The following PLCB4 variants were observed in gnomAD, a reference collection of about 807,000 sequenced individuals.
PLCB4 encodes phospholipase C beta 4.
In PLCB4, 77 loss-of-function variants were observed where a neutral mutation model predicts 178.8. That is an observed-to-expected ratio of 0.43 (90% CI 0.36 to 0.52). The LOEUF (loss-of-function observed/expected upper bound fraction) is 0.52. Among genes scored for constraint, PLCB4 ranks in the 20% least tolerant of loss-of-function variants. The pLI is 0.00. For missense variants in PLCB4, 1,024 were observed against 1,453.4 expected, an observed-to-expected ratio of 0.70 and a Z score of 4.80; for synonymous variants, 496 against 490.8, an observed-to-expected ratio of 1.01 and a Z score of -0.14.
chr20:9,355,156 TA>T (rs1232407641), intron 7 of PLCB4, among the ~76,000 whole-genome samples: 6 of 152,212 alleles, frequency 3.9e-5, no homozygotes, highest in African/African-American at 1.4e-4. Flanking sequence ...AACAGTGTAC[TA>T]GCTGGAAATG....
At chr20:9,178,523 G>A (rs1381534158) in intron 2 of PLCB4, among the ~76,000 whole-genome samples, 1 of 151,654 alleles carries the variant, frequency 6.6e-6, no homozygotes, top group Non-Finnish European at 1.5e-5. Context: ...AATATTCATA[G>A]ATGTATGGAT....
chr20:9,436,948 A>G (rs764443608), intron 29 of PLCB4, 54 bp from the exon 30 acceptor site: 26 of 1,538,986 alleles, frequency 1.7e-5, no homozygotes, highest in East Asian at 2.3e-5. Context: ...AATGTACAAG[A>G]TATTTGACCT....
At position 9,254,680 on chromosome 20, in the gene PLCB4, G is replaced by A. The variant is rs1027225843; in HGVS notation, c.-16+37228G>A. Reference sequence around the variant, plus strand: ...GCCACTGTACTCCAGTCTGGGCAACGGAGCAAAACTCTGTCTCAAAAAATA... The same window carrying A: ...GCCACTGTACTCCAGTCTGGGCAACAGAGCAAAACTCTGTCTCAAAAAATA... On this transcript the variant is annotated intron_variant, in intron 3 of 39. Coordinates refer to ENST00000378473, the MANE Select transcript of PLCB4 (RefSeq NM_001377142.1). Among the ~76,000 whole-genome samples the A allele has an allele frequency of 5.3e-5, 8 of 152,070 alleles. 1 individual carries two copies. The highest frequency in any genetic ancestry group is 2.1e-4 in the South Asian group (1 of 4,814).
At chr20:9,256,522 A>C (rs2147516163) in intron 3 of PLCB4, among the ~76,000 whole-genome samples, 1 of 152,346 alleles carries the variant, frequency 6.6e-6, no homozygotes, top group African/African-American at 2.4e-5. Context: ...AGACTCAGGA[A>C]GCAAGTATTT....
intron 30 of PLCB4, among the ~76,000 whole-genome samples, chr20:9,439,428 G>A (rs2041975774): frequency 6.6e-6 from 1 of 152,188 alleles, no homozygotes; most frequent in Admixed American, 6.5e-5. Flanking sequence ...TATTCAAGGG[G>A]TAGAGAAATA....
intron 4 of PLCB4, among the ~76,000 whole-genome samples, chr20:9,319,860 G>A (rs888683539): frequency 2.6e-5 from 4 of 152,144 alleles, no homozygotes; most frequent in African/African-American, 9.7e-5. Flanking sequence ...GCCCAGTCAA[G>A]TTGACATATA....
At chr20:9,107,030 T>C (rs1368880569) in intron 2 of PLCB4, among the ~76,000 whole-genome samples, 1 of 152,218 alleles carries the variant, frequency 6.6e-6, no homozygotes, top group Non-Finnish European at 1.5e-5. Flanking sequence ...AAAAGTAGAA[T>C]GAATGCCTAA....
intron 35 of PLCB4, among the ~76,000 whole-genome samples, chr20:9,464,810 A>C (rs551484341): frequency 1.8e-3 from 271 of 152,322 alleles, no homozygotes; most frequent in African/African-American, 6.1e-3. Flanking sequence ...AATCAAAAAA[A>C]GTCCAGGACC....
At chr20:9,155,385 A>G (rs557290416) in intron 2 of PLCB4, among the ~76,000 whole-genome samples, 1 of 152,158 alleles carries the variant, frequency 6.6e-6, no homozygotes, top group Admixed American at 6.6e-5. Flanking sequence ...CATCTTTGCA[A>G]TTGTGAATTG....
At chr20:9,113,691 A>C (rs1158908899) in intron 2 of PLCB4, among the ~76,000 whole-genome samples, 1 of 152,190 alleles carries the variant, frequency 6.6e-6, no homozygotes, top group Non-Finnish European at 1.5e-5. Context: ...AATATACTAA[A>C]TTGCTAAAAT....
At chr20:9,137,396 G>A (rs143814932) in intron 2 of PLCB4, among the ~76,000 whole-genome samples, 1 of 152,192 alleles carries the variant, frequency 6.6e-6, no homozygotes, top group East Asian at 1.9e-4. Flanking sequence ...TCAGCATGTA[G>A]GATCCATTAA....
At chr20:9,207,089 C>T (rs2147220410) in intron 2 of PLCB4, among the ~76,000 whole-genome samples, 1 of 152,282 alleles carries the variant, frequency 6.6e-6, no homozygotes, top group African/African-American at 2.4e-5. Flanking sequence ...GCACTCCAGC[C>T]TGGGAGACAA....
At chr20:9,235,609 T>C (rs570292235) in intron 3 of PLCB4, among the ~76,000 whole-genome samples, 217 of 152,304 alleles carry the variant, frequency 1.4e-3, no homozygotes, top group Non-Finnish European at 2.6e-3. Context: ...TTGTGAGGCC[T>C]CTGCAGGAGC....
chr20:9,119,145 T>A (rs1449677432), intron 2 of PLCB4, among the ~76,000 whole-genome samples: 1 of 152,194 alleles, frequency 6.6e-6, no homozygotes, highest in Non-Finnish European at 1.5e-5. Context: ...CTTAGCATTT[T>A]GCTAAATGCT....
At chr20:9,151,369 A>G (rs768295918) in intron 2 of PLCB4, among the ~76,000 whole-genome samples, 10 of 152,120 alleles carry the variant, frequency 6.6e-5, no homozygotes, top group Non-Finnish European at 1.3e-4. Flanking sequence ...TGGTTTGGCT[A>G]TGTCCCCATC....
intron 3 of PLCB4, among the ~76,000 whole-genome samples, chr20:9,281,776 A>G (rs1601594678): frequency 6.6e-6 from 1 of 152,076 alleles, no homozygotes; most frequent in African/African-American, 2.4e-5. Flanking sequence ...TTTCCTTCTT[A>G]TTTAGTTTAA....
Position 9,459,766 on chromosome 20 carries a change from T to C in PLCB4, c.3204T>C (p.Asn1068=). The part of the protein sequence containing the change: ...QCELLKKLLI[N]AHEQQTQQLK... ...AGCTGCTGAAAAAGCTACTCATCAA[T>C]GCCCACGAGCAGCAAACCCAGCAGC... Residue 1068 remains asparagine, a synonymous_variant, in exon 35 of 40, where the codon AAT becomes AAC. Coordinates refer to ENST00000378473, the MANE Select transcript of PLCB4 (RefSeq NM_001377142.1). 6.2e-7 allele frequency: 1 copy of C among 1,613,126 alleles called. No homozygotes were observed. The highest frequency in any genetic ancestry group is 1.1e-5 in the South Asian group (1 of 91,014).
intron 13 of PLCB4, 75 bp from the exon 14 acceptor site, chr20:9,384,126 C>G: frequency 8.9e-7 from 1 of 1,123,890 alleles, no homozygotes; most frequent in South Asian, 1.3e-5. Flanking sequence ...TAAGCTGCCT[C>G]AGCTTCCATG....
chr20:9,397,375 C>A (rs1435924939), intron 19 of PLCB4, among the ~76,000 whole-genome samples: 2 of 152,170 alleles, frequency 1.3e-5, no homozygotes, highest in African/African-American at 4.8e-5. Context: ...AAGTCTTGAA[C>A]CTCTCAGCGT....
Sources: allele counts gnomAD v4.1 joint callset (sites outside exome capture counted in the v4.1 genomes callset), GRCh38; gene constraint gnomAD v4.1.1; transcripts MANE v1.5; gene names NCBI Gene and HGNC (gene_info 2026-07-23, HGNC 2026-07-21).